The following SPG11 variants were observed in gnomAD, a reference collection of about 807,000 sequenced individuals.
SPG11 encodes the protein spatacsin.
SPG11 carries 222 observed loss-of-function variants against 274.0 expected under a neutral mutation model. The ratio of observed to expected loss-of-function variants is 0.81; its 90% CI spans 0.73 to 0.91. The LOEUF (loss-of-function observed/expected upper bound fraction) is 0.91, where lower values mean the gene tolerates loss of function less well. Among genes scored for constraint, SPG11 ranks in the 40% least tolerant of loss-of-function variants. The pLI, the probability that SPG11 is intolerant of heterozygous loss-of-function variation, is 0.00. For synonymous variants in SPG11, 1,144 were observed against 1,039.7 expected, an observed-to-expected ratio of 1.10 and a Z score of -1.93; for missense variants, 3,114 against 2,872.7, an observed-to-expected ratio of 1.08 and a Z score of -1.92.
rs1171379592 is a variant in SPG11, at chr15:44,583,942, T to TG, written c.5737dup (p.His1913ProfsTer11). On this transcript the variant is annotated frameshift_variant, in exon 30 of 40. Coordinates refer to ENST00000261866, the MANE Select transcript of SPG11 (RefSeq NM_025137.4). LOFTEE classifies it high-confidence loss of function. ...TTCCCCTGAGGCCAGTGCTCTGCAG[T>TG]GCAATACCAAGGCGACATCTGGATT... is the stretch of plus-strand genomic sequence containing the variant. The TG allele has an allele frequency of 6.2e-7, 1 of 1,614,064 alleles. No individual in the cohort carries two copies. Among genetic ancestry groups the TG allele is most frequent in the Non-Finnish European group, 8.5e-7 (1 of 1,180,030 alleles).
intron 3 of SPG11, among the ~76,000 whole-genome samples, chr15:44,658,602 G>A (rs867218566): frequency 6.6e-6 from 1 of 152,012 alleles, no homozygotes; most frequent in South Asian, 2.1e-4. Context: ...GGGATTACAG[G>A]CATGCACCAC....
Position 44,600,539 on chromosome 15 carries a change from T to C in SPG11, c.3614A>G (p.Asn1205Ser), listed in dbSNP as rs1451774392. Reference sequence around the variant, plus strand: ...ACCAAATGCAAATGATGGCCGCCCATTATGTAAATAATAAGCAAAATTCAG... The same window carrying C: ...ACCAAATGCAAATGATGGCCGCCCACTATGTAAATAATAAGCAAAATTCAG... ...ERLNFAYYLH[N>S]GRPSFAFGTF... is the part of the protein sequence containing the mutation. Residue 1205 changes from asparagine (N) to serine (S), a missense_variant, in exon 21 of 40, where the codon AAT becomes AGT. By Grantham distance (46) the Asn-to-Ser change is conservative. Transcript: ENST00000261866. The C allele has an allele frequency of 1.2e-6, 2 of 1,614,186 alleles. No individual in the cohort carries two copies. Among genetic ancestry groups the C allele is most frequent in the Admixed American group, 3.3e-5 (2 of 60,024 alleles).
At chr15:44,638,857 G>A (rs554963583) in intron 7 of SPG11, among the ~76,000 whole-genome samples, 12 of 152,096 alleles carry the variant, frequency 7.9e-5, no homozygotes, top group Non-Finnish European at 1.2e-4. Context: ...TCAGTTGGGC[G>A]TGGGGGTGCA....
rs1046891760 is a variant in SPG11, at chr15:44,563,068, A to G, written c.*53T>C. On this transcript the variant is annotated 3_prime_UTR_variant, in exon 40 of 40. Coordinates refer to ENST00000261866, the MANE Select transcript of SPG11 (RefSeq NM_025137.4). The stretch of plus-strand genomic sequence containing the variant: ...TCTCCAATGCATTCTTCTTCTCATC[A>G]CATCTGTCAGAATCTGCTAACAGTA... 3 of 1,551,492 alleles carry G rather than the reference A, an allele frequency of 1.9e-6. No homozygotes were observed. In the African/African-American group the frequency reaches 4.1e-5, roughly 21 times the overall value.
rs761230564 is a variant in SPG11, at chr15:44,566,302, T to A, written c.6758A>T (p.Asp2253Val). ...CAGCTGGTGCCCATCCTTGAGGCTG[T>A]CCTCTGTAGGGGAAATAAAGAAGAT... ...LKLIESQPWE[D>V]SLKDGHQLKQ... Residue 2253 changes from aspartate (D) to valine (V), a missense_variant, in exon 37 of 40, where the codon GAC becomes GTC. Transcript: ENST00000261866. 3 of 1,613,870 alleles carry A rather than the reference T, an allele frequency of 1.9e-6. No individual in the cohort carries two copies. Among genetic ancestry groups the A allele is most frequent in the Non-Finnish European group, 2.5e-6 (3 of 1,179,974 alleles).
At chr15:44,598,221 C>A (rs376705813) in intron 23 of SPG11, 44 bp downstream of exon 23, 1 of 1,479,372 alleles carries the variant, frequency 6.8e-7, no homozygotes, top group Admixed American at 1.7e-5. Flanking sequence ...CAGGTTGGCA[C>A]AATAAGCTTG....
intron 27 of SPG11, chr15:44,590,279 C>T (rs1380147326): frequency 6.6e-6 from 1 of 152,194 alleles, no homozygotes; most frequent in East Asian, 1.9e-4. Flanking sequence ...CTTGGATTTA[C>T]ATCATTTCAA....
intron 30 of SPG11, among the ~76,000 whole-genome samples, chr15:44,583,181 T>TA (rs1435685558): frequency 6.6e-6 from 1 of 152,116 alleles, no homozygotes; most frequent in Non-Finnish European, 1.5e-5. Flanking sequence ...AAAGGTAACA[T>TA]AAAAAACAGA....
intron 1 of SPG11, among the ~76,000 whole-genome samples, chr15:44,662,929 A>T (rs570043296): frequency 6.6e-6 from 1 of 152,370 alleles, no homozygotes; most frequent in South Asian, 2.1e-4. Flanking sequence ...GAAGAAGAGG[A>T]CTACATGTGA....
rs756302161 is a variant in SPG11, at chr15:44,572,678, C to T, written c.6343+5G>A. 1.9e-6 allele frequency: 3 copies of T among 1,614,138 alleles called. No homozygotes were observed. The highest frequency in any genetic ancestry group is 2.5e-6 in the Non-Finnish European group (3 of 1,180,006). ...AAATATGTAAGAAAAAGGTCAATAA[C>T]TTACTGCAAGACAGTTCCCCATGGG... On this transcript the variant is annotated splice_donor_5th_base_variant and intron_variant, in intron 33 of 39. Coordinates refer to ENST00000261866, the MANE Select transcript of SPG11 (RefSeq NM_025137.4).
chr15:44,588,428 G>C lies in SPG11; in HGVS notation c.4906+824C>G, dbSNP rs1464568615. 5 of 153,664 alleles carry C rather than the reference G, an allele frequency of 3.3e-5. No homozygotes were observed. The East Asian group carries it at 9.4e-4, about 29-fold the overall frequency. 9.5% of individuals were successfully genotyped at this position (153,664 alleles called of 1,614,324 possible). The stretch of plus-strand genomic sequence containing the variant: ...TGCCATAGAGAAGAAGATAGTGACA[G>C]GGTGTGGGAGTTAAGTCAGGGTGGT... On this transcript the variant is annotated intron_variant, in intron 28 of 39. Coordinates refer to ENST00000261866, the MANE Select transcript of SPG11 (RefSeq NM_025137.4).
At chr15:44,618,203 C>T (rs755737615) in intron 15 of SPG11, among the ~76,000 whole-genome samples, 9 of 151,994 alleles carry the variant, frequency 5.9e-5, no homozygotes, top group Non-Finnish European at 1.3e-4. Context: ...TTTCTAGGTA[C>T]CCCTTTTAAG....
intron 16 of SPG11, 135 bp downstream of exon 16, chr15:44,615,228 G>T: frequency 1.2e-6 from 1 of 860,560 alleles, no homozygotes. Flanking sequence ...CTGTTGAGAT[G>T]GAGAAAACTA....
intron 17 of SPG11, among the ~76,000 whole-genome samples, chr15:44,612,191 G>A: frequency 6.6e-6 from 1 of 152,110 alleles, no homozygotes; most frequent in South Asian, 2.1e-4. Flanking sequence ...AAACATAGAT[G>A]TTTCTTGTTG....
At chr15:44,655,836 T>A (rs1185880824) in intron 4 of SPG11, among the ~76,000 whole-genome samples, 2 of 152,174 alleles carry the variant, frequency 1.3e-5, no homozygotes, top group African/African-American at 4.8e-5. Context: ...AAAGTTTAAT[T>A]TATAAATTAG....
intron 28 of SPG11, chr15:44,588,579 C>G (rs2082826893): frequency 5.4e-6 from 2 of 373,668 alleles, no homozygotes; most frequent in Non-Finnish European, 1.1e-5. Flanking sequence ...TCTCAGAAGG[C>G]TGGGCCGTTT....
In SPG11 at chr15:44,620,409, TG is replaced by T; in HGVS notation, c.2621-7del. On this transcript the variant is annotated splice_region_variant and splice_polypyrimidine_tract_variant and intron_variant, in intron 14 of 39. Coordinates refer to ENST00000261866, the MANE Select transcript of SPG11 (RefSeq NM_025137.4). ...AGGGGAATATGATTTGTATTCTACA[TG>T]AAAAAAAACACATTTTAAAATATAA... The T allele has an allele frequency of 6.3e-7, 1 of 1,597,944 alleles. No individual in the cohort carries two copies. Among genetic ancestry groups the T allele is most frequent in the Non-Finnish European group, 8.6e-7 (1 of 1,168,642 alleles).
chr15:44,654,596 T>C (rs1423832026), intron 4 of SPG11, among the ~76,000 whole-genome samples: 8 of 152,168 alleles, frequency 5.3e-5, no homozygotes, highest in East Asian at 1.9e-4. Context: ...CCCAGCATTT[T>C]TGGGAGGCCA....
intron 38 of SPG11, 35 bp from the exon 39 acceptor site, chr15:44,564,733 G>A (rs1376778765): frequency 1.9e-6 from 3 of 1,611,182 alleles, no homozygotes; most frequent in Middle Eastern, 3.3e-4. Flanking sequence ...CACCATCAGA[G>A]CCCATCTGAT....
Sources: gnomAD v4.1 joint callset for allele counts (sites outside exome capture counted in the v4.1 genomes callset) on GRCh38, gnomAD v4.1.1 for gene constraint, MANE v1.5 for transcripts, NCBI Gene and HGNC (gene_info 2026-07-23, HGNC 2026-07-21) for gene names.